Variants in IQCH observed in about 807,000 individuals in gnomAD.
IQCH encodes IQ domain-containing protein H.
In IQCH, 98 loss-of-function variants were observed where a neutral mutation model predicts 117.0. That is an observed-to-expected ratio of 0.84 (90% CI 0.71 to 0.99). The LOEUF (loss-of-function observed/expected upper bound fraction) is 0.99. IQCH is among the 50% of genes least tolerant of loss of function. The probability of loss-of-function intolerance (pLI) is 0.00; values close to 1 mark genes in which losing one functional copy is unlikely to be tolerated. For missense variants in IQCH, 1,102 were observed against 1,243.8 expected (o/e 0.89, Z 1.72); for synonymous variants, 412 against 448.2 (o/e 0.92, Z 1.02).
At position 67,432,768 on chromosome 15, in the gene IQCH, T is replaced by C. The variant is rs560871003; in HGVS notation, c.2505+11191T>C. Among the ~76,000 whole-genome samples the C allele has an allele frequency of 2.6e-4, 39 of 152,300 alleles. 1 individual carries two copies. Among genetic ancestry groups the C allele is most frequent in the Middle Eastern group, 6.8e-3 (2 of 294 alleles). On this transcript the variant is annotated intron_variant, in intron 16 of 20. Coordinates refer to ENST00000335894, the MANE Select transcript of IQCH (RefSeq NM_001031715.3). This position sits in a 1 kb window ranked among gnomAD's most constrained non-coding sequence, Gnocchi z 5.0. Reference sequence around the variant, plus strand: ...GGAAAAACCAAAGTCTACAGAAATATCATAATTCCTTCTTGTTCACTGCTG... The same window carrying C: ...GGAAAAACCAAAGTCTACAGAAATACCATAATTCCTTCTTGTTCACTGCTG...
At chr15:67,487,459 A>ACACACAC (rs2083520988) in intron 18 of IQCH, among the ~76,000 whole-genome samples, 1 of 117,878 alleles carries the variant, frequency 8.5e-6, no homozygotes, top group Non-Finnish European at 1.8e-5. Context: ...CACACACACA[A>ACACACAC]CCCTCATTAA....
At position 67,426,221 on chromosome 15, in the gene IQCH, C is replaced by T. The variant is rs371142237; in HGVS notation, c.2505+4644C>T. On this transcript the variant is annotated intron_variant, in intron 16 of 20. Coordinates refer to ENST00000335894, the MANE Select transcript of IQCH (RefSeq NM_001031715.3). The surrounding 1 kb of genome is among the most constrained non-coding windows in gnomAD (Gnocchi z 5.1). ...ACAGAGCTAGCAAGTACATGTATTA[C>T]GTAGGTACAATACATACACACAGTT... 4.6e-5 allele frequency among the ~76,000 whole-genome samples: 7 copies of T among 152,122 alleles called. No individual in the cohort carries two copies. The highest frequency in any genetic ancestry group is 1.0e-4 in the Non-Finnish European group (7 of 68,022).
intron 16 of IQCH, among the ~76,000 whole-genome samples, chr15:67,438,448 T>C (rs938390262): frequency 1.3e-5 from 2 of 152,130 alleles, no homozygotes; most frequent in Admixed American, 6.5e-5. Flanking sequence ...CAGAACCTCT[T>C]TAAAGCATAA....
chr15:67,392,785 CAAAAA>C (rs33923178), intron 12 of IQCH, among the ~76,000 whole-genome samples: 1 of 113,450 alleles, frequency 8.8e-6, no homozygotes. Context: ...CCTGCTTCCA[CAAAAA>C]AAAAAAAAAA....
In IQCH at chr15:67,421,321, A is replaced by G. The variant is rs1473387181; in HGVS notation, c.2249A>G (p.Asp750Gly). 1 of 1,614,170 alleles carries G rather than the reference A, an allele frequency of 6.2e-7. No individual in the cohort carries two copies. Among genetic ancestry groups the G allele is most frequent in the Non-Finnish European group, 8.5e-7 (1 of 1,180,008 alleles). ...GGVIEAFPPA[D>G]NVTNLTVDML... Reference sequence around the variant, plus strand: ...GTGATCGAAGCATTCCCACCTGCAGACAATGTCACCAACCTCACAGTGGAC... The same window carrying G: ...GTGATCGAAGCATTCCCACCTGCAGGCAATGTCACCAACCTCACAGTGGAC... The change falls in exon 16 of 21, where the codon GAC (aspartate) becomes GGC (glycine). Residue 750 changes from aspartate (D) to glycine (G), a missense_variant. This residue lies in a region of IQCH where 650 missense variants were observed against 794.3 expected (regional missense o/e 0.82). Transcript: ENST00000335894.
chr15:67,355,675 C>G (rs1969864864), intron 6 of IQCH, among the ~76,000 whole-genome samples: 2 of 152,032 alleles, frequency 1.3e-5, no homozygotes, highest in African/African-American at 4.8e-5. Context: ...TCCATTAACT[C>G]TGGCAAAATT....
At chr15:67,296,126 G>A (rs1224341286) in intron 4 of IQCH, among the ~76,000 whole-genome samples, 1 of 152,328 alleles carries the variant, frequency 6.6e-6, no homozygotes, top group East Asian at 1.9e-4. Flanking sequence ...CATGGGCAGG[G>A]ACTTCGTCTG....
rs2083198127 is a variant in IQCH at position 67,476,218 on chromosome 15, G to T, written c.2799+400G>T. The stretch of plus-strand genomic sequence containing the variant: ...ATAACAATATAGCACAAGCTAAATG[G>T]CTTGAGCCACAGAAGCGTATTTTCT... On this transcript the variant is annotated intron_variant, in intron 18 of 20. Transcript: ENST00000335894. The surrounding 1 kb of genome is among the most constrained non-coding windows in gnomAD (Gnocchi z 4.1). 6.6e-6 allele frequency among the ~76,000 whole-genome samples: 1 copy of T among 152,210 alleles called. No individual in the cohort carries two copies. The highest frequency in any genetic ancestry group is 2.4e-5 in the African/African-American group (1 of 41,462).
rs1176223146 is a variant in IQCH, at chr15:67,474,064, C to CTGTGTGTGTG, written c.2677-1630_2677-1629insTGTGTGTGTG. On this transcript the variant is annotated intron_variant, in intron 17 of 20. Coordinates refer to ENST00000335894, the MANE Select transcript of IQCH (RefSeq NM_001031715.3). This position sits in a 1 kb window ranked among gnomAD's most constrained non-coding sequence, Gnocchi z 4.1. ...CATGTCACCAAAAGTGCCACGAAATCTGAGTGTGTGTGTGTGTGTGTGTGT... is the reference window on the plus strand; with the variant it reads ...CATGTCACCAAAAGTGCCACGAAATCTGTGTGTGTGTGAGTGTGTGTGTGTGTGTGTGTGT... Among the ~76,000 whole-genome samples, 1 of 96,070 alleles carries CTGTGTGTGTG rather than the reference C, an allele frequency of 1.0e-5. No individual in the cohort carries two copies. The highest frequency in any genetic ancestry group is 4.1e-5 in the African/African-American group (1 of 24,432). The allele number at this position is 96,070 out of a possible 152,430, so 63.0% of individuals were successfully genotyped here. A position where few individuals can be genotyped will look rare whatever the true frequency, so the allele number is the denominator to read the frequency against.
chr15:67,355,803 G>A (rs1003902157), intron 6 of IQCH, among the ~76,000 whole-genome samples: 1 of 152,058 alleles, frequency 6.6e-6, no homozygotes, highest in Non-Finnish European at 1.5e-5. Flanking sequence ...AAAATCCAAG[G>A]CCACATGAAA....
rs556047688 is a variant in IQCH at position 67,491,705 on chromosome 15, A to G, written c.2861+1641A>G. Among the ~76,000 whole-genome samples the G allele has an allele frequency of 2.0e-5, 3 of 152,194 alleles. No homozygotes were observed. The East Asian group carries it at 5.8e-4, about 29-fold the overall frequency. ...TCTCCACCTAGGCCTTCACATCCAG[A>G]ATGATAACAGAGCCAGGGACACCTC... On this transcript the variant is annotated intron_variant, in intron 19 of 20. Transcript: ENST00000335894. This position sits in a 1 kb window ranked among gnomAD's most constrained non-coding sequence, Gnocchi z 4.9.
chr15:67,465,870 G>A lies in IQCH; in HGVS notation c.2676+573G>A, dbSNP rs1461433485. ...CCTCCTCTCTCTCCACAAAGATAGT[G>A]TCTTAGTGTCGGCTTCCACCATCTC... On this transcript the variant is annotated intron_variant, in intron 17 of 20. Coordinates refer to ENST00000335894, the MANE Select transcript of IQCH (RefSeq NM_001031715.3). The surrounding 1 kb of genome is among the most constrained non-coding windows in gnomAD (Gnocchi z 5.9). Among the ~76,000 whole-genome samples, 2 of 152,172 alleles carry A rather than the reference G, an allele frequency of 1.3e-5. No homozygotes were observed. The highest frequency in any genetic ancestry group is 6.5e-5 in the Admixed American group (1 of 15,278).
chr15:67,321,378 C>A (rs1596175017), intron 4 of IQCH, among the ~76,000 whole-genome samples: 2 of 152,224 alleles, frequency 1.3e-5, no homozygotes, highest in East Asian at 3.9e-4. Context: ...ATCCTAAAAC[C>A]CCTTCCAGCT....
rs2081352691 is a variant in IQCH, at chr15:67,408,013, G to T, written c.2097+7708G>T. 6.6e-6 allele frequency: 1 copy of T among 152,250 alleles called. No homozygotes were observed. The highest frequency in any genetic ancestry group is 1.5e-5 in the Non-Finnish European group (1 of 68,060). The allele number at this position is 152,250 out of a possible 1,614,324, so 9.4% of individuals were successfully genotyped here. On this transcript the variant is annotated intron_variant, in intron 14 of 20. Transcript: ENST00000335894. The surrounding 1 kb of genome is among the most constrained non-coding windows in gnomAD (Gnocchi z 4.2). ...ATGTTACTCCCACCATCTGGGGACT[G>T]GAGGAGAGGCAAATGCTTGAAAACA...
rs2081834940 is a variant in IQCH, at chr15:67,424,391, C to T, written c.2505+2814C>T. On this transcript the variant is annotated intron_variant, in intron 16 of 20. Coordinates refer to ENST00000335894, the MANE Select transcript of IQCH (RefSeq NM_001031715.3). This position sits in a 1 kb window ranked among gnomAD's most constrained non-coding sequence, Gnocchi z 4.9. ...TTTAGGTTTTCATATCATTGTGTAG[C>T]TGTGTGTGAGCATTCCTCGTACCAC... Among the ~76,000 whole-genome samples the T allele has an allele frequency of 6.6e-6, 1 of 152,194 alleles. No homozygotes were observed. Among genetic ancestry groups the T allele is most frequent in the Admixed American group, 6.5e-5 (1 of 15,278 alleles).
intron 4 of IQCH, 107 bp downstream of exon 4, chr15:67,279,619 G>A: frequency 1.7e-6 from 1 of 592,304 alleles, no homozygotes; most frequent in Non-Finnish European, 3.0e-6. Flanking sequence ...GTTTCTTTGG[G>A]GGACAATGAA....
In IQCH at chr15:67,454,947, T is replaced by C. The variant is rs2082625493; in HGVS notation, c.2506-10180T>C. 6.6e-6 allele frequency among the ~76,000 whole-genome samples: 1 copy of C among 152,230 alleles called. No individual in the cohort carries two copies. Among genetic ancestry groups the C allele is most frequent in the African/African-American group, 2.4e-5 (1 of 41,458 alleles). ...AGAGCAGAACTGATGGGTCAAATGGTAACTCAAAGTTTAACTTTTTTAGGA... is the reference window on the plus strand; with the variant it reads ...AGAGCAGAACTGATGGGTCAAATGGCAACTCAAAGTTTAACTTTTTTAGGA... On this transcript the variant is annotated intron_variant, in intron 16 of 20. Transcript: ENST00000335894. The surrounding 1 kb of genome is among the most constrained non-coding windows in gnomAD (Gnocchi z 5.2).
At chr15:67,482,332 A>AT (rs1049232825) in intron 18 of IQCH, among the ~76,000 whole-genome samples, 3 of 152,194 alleles carry the variant, frequency 2.0e-5, no homozygotes, top group Non-Finnish European at 4.4e-5. Flanking sequence ...AAATGGAAGT[A>AT]TTTATTGCAG....
At position 67,457,142 on chromosome 15, in the gene IQCH, C is replaced by T. The variant is rs866733814; in HGVS notation, c.2506-7985C>T. Among the ~76,000 whole-genome samples the T allele has an allele frequency of 2.6e-5, 4 of 152,182 alleles. No individual in the cohort carries two copies. Among genetic ancestry groups the T allele is most frequent in the African/African-American group, 9.7e-5 (4 of 41,442 alleles). ...TGCCACCAGGTGGCAACAAGCCAAG[C>T]GGCTGCTCTCCCCTCTGCCTATTGA... On this transcript the variant is annotated intron_variant, in intron 16 of 20. Transcript: ENST00000335894. This position sits in a 1 kb window ranked among gnomAD's most constrained non-coding sequence, Gnocchi z 5.7.
Sources: allele counts gnomAD v4.1 joint callset (sites outside exome capture counted in the v4.1 genomes callset), GRCh38; gene constraint gnomAD v4.1.1; regional missense constraint gnomAD v4.1.1; non-coding constraint Gnocchi (gnomAD v3.1); transcripts MANE v1.5; gene names NCBI Gene and HGNC (gene_info 2026-07-23, HGNC 2026-07-21).